ARB2A: variants seen among roughly 807,000 people sequenced by gnomAD.
The protein encoded by ARB2A is ARB2 cotranscriptional regulator A, also known as cotranscriptional regulator ARB2A.
chr5:93,674,717 T>C, the ARB2A span, among the ~76,000 whole-genome samples: 26 of 152,222 alleles, frequency 1.7e-4, no homozygotes, highest in Non-Finnish European at 3.7e-4. Context: ...TAAAAAAATA[T>C]ATAGCTTGAA....
chr5:93,988,943 C>T, the ARB2A span, among the ~76,000 whole-genome samples: 4 of 152,026 alleles, frequency 2.6e-5, no homozygotes, highest in African/African-American at 7.2e-5. Flanking sequence ...ATTTTCTAAA[C>T]GTGTATATTA....
chr5:93,805,426 A>G, the ARB2A span: 2 of 985,126 alleles, frequency 2.0e-6, no homozygotes, highest in Non-Finnish European at 1.2e-6. Context: ...AAATGTTTAG[A>G]GTGTAAGCAC....
chr5:93,865,850 T>A, the ARB2A span: 1 of 985,374 alleles, frequency 1.0e-6, no homozygotes. Context: ...TTTATACAAT[T>A]TGTGAGGTCA....
At chr5:94,069,049 G>GATAA in the ARB2A span, among the ~76,000 whole-genome samples, 1 of 149,424 alleles carries the variant, frequency 6.7e-6, no homozygotes, top group Non-Finnish European at 1.5e-5. Context: ...AAGATAGATA[G>GATAA]ATAGATAGAT....
At chr5:93,790,483 C>G in the ARB2A span, among the ~76,000 whole-genome samples, 1 of 152,186 alleles carries the variant, frequency 6.6e-6, no homozygotes, top group Admixed American at 6.5e-5. Flanking sequence ...ACTTCTATAA[C>G]TGCATGACTA....
the ARB2A span, among the ~76,000 whole-genome samples, chr5:93,845,574 T>C: frequency 6.6e-6 from 1 of 152,334 alleles, no homozygotes; most frequent in Non-Finnish European, 1.5e-5. Context: ...CATCACTAAC[T>C]TGTGCTGGCA....
chr5:94,068,404 A>G, the ARB2A span, among the ~76,000 whole-genome samples: 1,573 of 152,332 alleles, frequency 0.01, 14 homozygotes, highest in Non-Finnish European at 0.014. Flanking sequence ...GGCAAACAGC[A>G]GTGGTGGATG....
At chr5:93,710,409 C>T in the ARB2A span, among the ~76,000 whole-genome samples, 3 of 152,178 alleles carry the variant, frequency 2.0e-5, no homozygotes, top group African/African-American at 7.2e-5. Flanking sequence ...TCCTGCCCTT[C>T]TGCTAAAGTC....
chr5:93,678,192 G>A, the ARB2A span, among the ~76,000 whole-genome samples: 15 of 152,192 alleles, frequency 9.9e-5, no homozygotes, highest in African/African-American at 3.6e-4. Context: ...TTTTTTATAT[G>A]GTTCCCAAAG....
At chr5:93,645,378 C>A in the ARB2A span, among the ~76,000 whole-genome samples, 1 of 152,104 alleles carries the variant, frequency 6.6e-6, no homozygotes, top group Non-Finnish European at 1.5e-5. Flanking sequence ...TAAAGACCAT[C>A]CTGGCCAATA....
At chr5:93,721,115 G>A in the ARB2A span, among the ~76,000 whole-genome samples, 1 of 152,164 alleles carries the variant, frequency 6.6e-6, no homozygotes, top group Non-Finnish European at 1.5e-5. Context: ...ACTGGTTTAA[G>A]TTTCATTGAA....
the ARB2A span, among the ~76,000 whole-genome samples, chr5:93,796,335 A>G: frequency 5.9e-5 from 9 of 152,194 alleles, no homozygotes; most frequent in Non-Finnish European, 1.2e-4. Flanking sequence ...ATGTAAGCTC[A>G]GGTTTATGAA....
chr5:94,066,883 A>T, the ARB2A span, among the ~76,000 whole-genome samples: 2 of 152,222 alleles, frequency 1.3e-5, no homozygotes, highest in African/African-American at 4.8e-5. Flanking sequence ...CAAGATTGCA[A>T]CAAAAAAAGA....
the ARB2A span, among the ~76,000 whole-genome samples, chr5:93,764,722 G>C: frequency 1.3e-5 from 2 of 152,132 alleles, no homozygotes; most frequent in Admixed American, 1.3e-4. Flanking sequence ...TGATACCAAA[G>C]CCTGGCAGAG....
the ARB2A span, among the ~76,000 whole-genome samples, chr5:94,008,603 T>G: frequency 2.0e-5 from 3 of 152,138 alleles, no homozygotes; most frequent in Non-Finnish European, 4.4e-5. Context: ...TTTAAAATTT[T>G]CTATCACAGA....
chr5:94,053,116 A>ATAC, the ARB2A span: 2 of 1,069,558 alleles, frequency 1.9e-6, no homozygotes, highest in Non-Finnish European at 2.7e-6. Context: ...TAGATAGATA[A>ATAC]CCCACTTACT....
chr5:93,788,906 T>C, the ARB2A span, among the ~76,000 whole-genome samples: 1 of 152,178 alleles, frequency 6.6e-6, no homozygotes, highest in African/African-American at 2.4e-5. Flanking sequence ...TTGGGATGGC[T>C]TCACCCTAAC....
the ARB2A span, among the ~76,000 whole-genome samples, chr5:93,995,647 A>G: frequency 6.6e-6 from 1 of 152,170 alleles, no homozygotes; most frequent in African/African-American, 2.4e-5. Flanking sequence ...CTATGTGAGG[A>G]GTCAGCACCC....
At chr5:93,961,291 G>A in the ARB2A span, among the ~76,000 whole-genome samples, 3 of 152,102 alleles carry the variant, frequency 2.0e-5, no homozygotes, top group African/African-American at 7.2e-5. Context: ...GCTGATCACT[G>A]TCTCTTTTTT....
Sources: gnomAD v4.1 joint callset for allele counts (sites outside exome capture counted in the v4.1 genomes callset) on GRCh38, gnomAD v4.1.1 for gene constraint, MANE v1.5 for transcripts, NCBI Gene and HGNC (gene_info 2026-07-23, HGNC 2026-07-21) for gene names.